The following LIMK1 variants were observed in gnomAD, a reference collection of about 807,000 sequenced individuals.
The protein encoded by LIMK1 is LIM domain kinase 1.
Under a neutral mutation model 77.6 loss-of-function variants are expected in LIMK1, and 21 were observed. That is an observed-to-expected ratio of 0.27 (90% confidence interval 0.19 to 0.39). LIMK1 has a LOEUF of 0.39. LIMK1 is among the 10% of genes least tolerant of loss of function. LIMK1 has a pLI of 1.00. For missense variants in LIMK1, 696 were observed against 901.6 expected (o/e 0.77, Z 2.92); for synonymous variants, 358 against 370.0 (o/e 0.97, Z 0.37).
At chr7:74,109,720 C>A (rs1187961133) in intron 10 of LIMK1, 1 of 152,868 alleles carries the variant, frequency 6.5e-6, no homozygotes, top group Admixed American at 6.5e-5. Flanking sequence ...TGGCAGGTGC[C>A]TGTAGTCCCA....
At position 74,121,354 on chromosome 7, in the gene LIMK1, C is replaced by T. The variant is rs1554700616; in HGVS notation, c.*53C>T. The T allele has an allele frequency of 6.8e-7, 1 of 1,468,314 alleles. No homozygotes were observed. The highest frequency in any genetic ancestry group is 1.4e-5 in the African/African-American group (1 of 71,538). The allele number at this position is 1,468,314 out of a possible 1,614,324, so 91.0% of individuals were successfully genotyped here. A position where few individuals can be genotyped will look rare whatever the true frequency, so the allele number is the denominator to read the frequency against. On this transcript the variant is annotated 3_prime_UTR_variant, in exon 16 of 16. Transcript: ENST00000336180. The stretch of plus-strand genomic sequence containing the variant: ...CCACCTCTGGAGAATCCACCCCCAC[C>T]AGATTCCTCCGCGGGAGGTGGCCCT...
At chr7:74,085,578 G>A (rs1461843598) in intron 1 of LIMK1, among the ~76,000 whole-genome samples, 170 bp from the exon 2 acceptor site, 2 of 152,208 alleles carry the variant, frequency 1.3e-5, no homozygotes, top group Non-Finnish European at 2.9e-5. Flanking sequence ...TCAGGCCAGC[G>A]CCCTTTCTTC....
At chr7:74,092,092 G>C (rs1554694888) in intron 2 of LIMK1, among the ~76,000 whole-genome samples, 1 of 149,048 alleles carries the variant, frequency 6.7e-6, no homozygotes, top group East Asian at 2.0e-4. Flanking sequence ...TCAGCTTCCT[G>C]GTAGCTGGGA....
intron 14 of LIMK1, 76 bp downstream of exon 14, chr7:74,120,714 C>T (rs2115772015): frequency 6.4e-7 from 1 of 1,568,022 alleles, no homozygotes; most frequent in South Asian, 1.1e-5. Context: ...GGCTCAGCAT[C>T]TGCAGGGGCC....
At chr7:74,107,315 C>T (rs1563920186) in intron 8 of LIMK1, 122 bp downstream of exon 8, 2 of 1,064,492 alleles carry the variant, frequency 1.9e-6, no homozygotes, top group East Asian at 2.7e-5. Flanking sequence ...TGGCCAGTGC[C>T]CTCTCCTCCC....
chr7:74,120,694 C>A, intron 14 of LIMK1, 56 bp downstream of exon 14: 1 of 1,595,060 alleles, frequency 6.3e-7, no homozygotes, highest in Non-Finnish European at 8.6e-7. Context: ...CCCCACTCAC[C>A]CAGGCTGCAG....
At chr7:74,088,695 G>T (rs1452549781) in intron 2 of LIMK1, among the ~76,000 whole-genome samples, 2 of 151,788 alleles carry the variant, frequency 1.3e-5, no homozygotes, top group Admixed American at 1.3e-4. Flanking sequence ...CAAGCTACTC[G>T]GGAGGCTAAG....
chr7:74,095,765 A>G (rs1799325582), intron 2 of LIMK1, among the ~76,000 whole-genome samples: 1 of 151,588 alleles, frequency 6.6e-6, no homozygotes, highest in Admixed American at 6.6e-5. Flanking sequence ...TCCCCACCCC[A>G]CCGGGATGCT....
intron 5 of LIMK1, 32 bp downstream of exon 5, chr7:74,099,270 G>T (rs1554696183): frequency 6.3e-7 from 1 of 1,592,842 alleles, no homozygotes; most frequent in Non-Finnish European, 8.5e-7. Context: ...GCTGCCGTCG[G>T]TGTGGCTATG....
At position 74,121,509 on chromosome 7, in the gene LIMK1, C is replaced by G; in HGVS notation, c.*208C>G. The G allele has an allele frequency of 1.8e-6, 1 of 567,446 alleles. No homozygotes were observed. Among genetic ancestry groups the G allele is most frequent in the Non-Finnish European group, 3.1e-6 (1 of 322,770 alleles). The allele number at this position is 567,446 out of a possible 1,614,324, so 35.2% of individuals were successfully genotyped here. A position where few individuals can be genotyped will look rare whatever the true frequency, so the allele number is the denominator to read the frequency against. ...GAGCCGGCCCAGCTGCACACACACA[C>G]CATGCTCTCGCCCTGCTGTAACCTC... On this transcript the variant is annotated 3_prime_UTR_variant, in exon 16 of 16. Coordinates refer to ENST00000336180, the MANE Select transcript of LIMK1 (RefSeq NM_002314.4).
intron 13 of LIMK1, among the ~76,000 whole-genome samples, chr7:74,119,617 G>A (rs1306038255): frequency 6.6e-6 from 1 of 151,714 alleles, no homozygotes; most frequent in Non-Finnish European, 1.5e-5. Context: ...ATTTAAAACA[G>A]CAGAAAATGG....
intron 4 of LIMK1, among the ~76,000 whole-genome samples, chr7:74,098,209 G>A (rs1554695991): frequency 6.6e-6 from 1 of 152,128 alleles, no homozygotes; most frequent in African/African-American, 2.4e-5. Flanking sequence ...ATGTATCTTT[G>A]CGGGGCTGAG....
At chr7:74,119,121 G>A (rs1799880800) in intron 13 of LIMK1, among the ~76,000 whole-genome samples, 2 of 151,616 alleles carry the variant, frequency 1.3e-5, no homozygotes, top group African/African-American at 2.4e-5. Context: ...CTGACCTCGT[G>A]ATCCACCCGC....
chr7:74,086,763 CAG>C (rs781983636), intron 2 of LIMK1, among the ~76,000 whole-genome samples: 43 of 152,210 alleles, frequency 2.8e-4, no homozygotes, highest in Middle Eastern at 3.4e-3. Context: ...GGCACCCAGA[CAG>C]GGGGAAGAGT....
intron 13 of LIMK1, among the ~76,000 whole-genome samples, chr7:74,119,128 C>A (rs1050516307): frequency 9.2e-5 from 14 of 151,716 alleles, no homozygotes; most frequent in Admixed American, 2.0e-4. Flanking sequence ...CGTGATCCAC[C>A]CGCCTCAGCC....
In LIMK1 at chr7:74,085,601, C is replaced by T. The variant is rs143437953; in HGVS notation, c.56-147C>T. Reference sequence around the variant, plus strand: ...GCGCCCTTTCTTCTCCTATTTGGCACAGCGACTGCCCTGCCTGGGCGCTGC... The same window carrying T: ...GCGCCCTTTCTTCTCCTATTTGGCATAGCGACTGCCCTGCCTGGGCGCTGC... On this transcript the variant is annotated intron_variant, in intron 1 of 15. Transcript: ENST00000336180. 136 of 696,258 alleles carry T rather than the reference C, an allele frequency of 2.0e-4. No individual in the cohort carries two copies. The African/African-American group carries it at 2.0e-3, about 10-fold the overall frequency. The allele number at this position is 696,258 out of a possible 1,614,324, so 43.1% of individuals were successfully genotyped here. A position where few individuals can be genotyped will look rare whatever the true frequency, so the allele number is the denominator to read the frequency against.
At chr7:74,109,185 G>A (rs1020053864) in intron 10 of LIMK1, 149 bp downstream of exon 10, 28 of 677,300 alleles carry the variant, frequency 4.1e-5, no homozygotes, top group Non-Finnish European at 6.6e-5. Context: ...AAAAAGGGGA[G>A]CGACTGACTC....
At chr7:74,091,058 C>T (rs767385406) in intron 2 of LIMK1, among the ~76,000 whole-genome samples, 10 of 152,084 alleles carry the variant, frequency 6.6e-5, no homozygotes, top group African/African-American at 2.2e-4. Flanking sequence ...GGACTACAGG[C>T]GCCCACCACC....
intron 2 of LIMK1, among the ~76,000 whole-genome samples, chr7:74,091,030 C>T (rs1161632435): frequency 1.3e-5 from 2 of 152,158 alleles, no homozygotes; most frequent in African/African-American, 2.4e-5. Context: ...TCTCCTGCCT[C>T]AGCCTCCCAA....
Sources: gnomAD v4.1 joint callset for allele counts (sites outside exome capture counted in the v4.1 genomes callset) on GRCh38, gnomAD v4.1.1 for gene constraint, MANE v1.5 for transcripts, NCBI Gene and HGNC (gene_info 2026-07-23, HGNC 2026-07-21) for gene names.